The following ESR1 variants were observed in gnomAD, a reference collection of about 807,000 sequenced individuals.
ESR1 encodes the protein estrogen receptor 1.
In ESR1, 12 loss-of-function variants were observed where a neutral mutation model predicts 52.7. The ratio of observed to expected loss-of-function variants is 0.23; its 90% CI spans 0.15 to 0.37. The LOEUF is 0.37. Ranked by LOEUF, ESR1 falls within the 10% of genes least tolerant of loss-of-function variation. The pLI, the probability that ESR1 is intolerant of heterozygous loss-of-function variation, is 1.00. For missense variants in ESR1, 584 were observed against 779.7 expected, an observed-to-expected ratio of 0.75 and a Z score of 2.99; for synonymous variants, 305 against 316.8, an observed-to-expected ratio of 0.96 and a Z score of 0.39.
chr6:152,095,447 A>T (rs545739505), intron 7 of ESR1, among the ~76,000 whole-genome samples: 1 of 152,220 alleles, frequency 6.6e-6, no homozygotes, highest in Non-Finnish European at 1.5e-5. Context: ...GCCTGAGGCC[A>T]GGGTGACTCT....
chr6:152,062,622 T>C (rs2047638713), intron 6 of ESR1, among the ~76,000 whole-genome samples: 1 of 152,190 alleles, frequency 6.6e-6, no homozygotes, highest in African/African-American at 2.4e-5. Flanking sequence ...CTTTATTGGA[T>C]GAGAGTTCTG....
rs1426531354 is a variant in ESR1 at position 151,849,994 on chromosome 6, A to ACAAAATTATATATATATATAATTT, written c.643+7207_643+7208insCAAAATTATATATATATATAATTT. ...CCTAGGGAATTATATATATATATAT[A>ACAAAATTATATATATATATAATTT]TATATATATATAATTTTGTATATAT... On this transcript the variant is annotated intron_variant, in intron 2 of 7. Coordinates refer to ENST00000206249, the MANE Select transcript of ESR1 (RefSeq NM_000125.4). Among the ~76,000 whole-genome samples, 2 of 105,082 alleles carry ACAAAATTATATATATATATAATTT rather than the reference A, an allele frequency of 1.9e-5. 1 individual carries two copies. The highest frequency in any genetic ancestry group is 7.5e-5 in the African/African-American group (2 of 26,614). 68.9% of individuals were successfully genotyped at this position (105,082 alleles called of 152,430 possible). A position where few individuals can be genotyped will look rare whatever the true frequency, so the allele number is the denominator to read the frequency against.
At chr6:152,085,073 G>T (rs1224983712) in intron 6 of ESR1, among the ~76,000 whole-genome samples, 1 of 152,200 alleles carries the variant, frequency 6.6e-6, no homozygotes, top group Non-Finnish European at 1.5e-5. Flanking sequence ...ACCTCTTGGT[G>T]TATCAGGTCA....
intron 6 of ESR1, among the ~76,000 whole-genome samples, chr6:152,067,378 C>T (rs1220022927): frequency 6.6e-6 from 1 of 152,150 alleles, no homozygotes; most frequent in African/African-American, 2.4e-5. Flanking sequence ...ATGTTAGGAG[C>T]CATTTTCCAT....
chr6:152,072,745 A>C (rs2048449810), intron 6 of ESR1, among the ~76,000 whole-genome samples: 2 of 152,232 alleles, frequency 1.3e-5, no homozygotes, highest in African/African-American at 4.8e-5. Context: ...GAATGTCAGG[A>C]GGGGACTGGC....
At chr6:151,781,420 T>A (rs1227494940) in intron 2 of ESR1, among the ~76,000 whole-genome samples, 1 of 152,246 alleles carries the variant, frequency 6.6e-6, no homozygotes, top group African/African-American at 2.4e-5. Context: ...CATGGCCTAA[T>A]CATTTCTCAC....
chr6:151,757,503 TA>T (rs1031018626), intron 2 of ESR1, among the ~76,000 whole-genome samples: 3 of 152,204 alleles, frequency 2.0e-5, no homozygotes, highest in Non-Finnish European at 4.4e-5. Context: ...GGAAGAAATA[TA>T]TTCTGGTCAG....
downstream of ESR1, among the ~76,000 whole-genome samples, chr6:152,103,980 C>CTTTTTTTTTTT (rs369261779): frequency 3.2e-5 from 3 of 93,880 alleles, no homozygotes; most frequent in Non-Finnish European, 3.9e-5. Flanking sequence ...TTCATTCTAC[C>CTTTTTTTTTTT]TTTTTTTTTT....
chr6:151,935,963 T>G (rs1344651734), intron 3 of ESR1, among the ~76,000 whole-genome samples: 2 of 152,212 alleles, frequency 1.3e-5, no homozygotes, highest in Non-Finnish European at 2.9e-5. Context: ...CCCTTTTTCA[T>G]TATGTAACAT....
intron 3 of ESR1, among the ~76,000 whole-genome samples, chr6:151,917,000 G>T (rs11155823): frequency 0.028 from 4,247 of 152,220 alleles, 146 homozygotes; most frequent in African/African-American, 0.076. Flanking sequence ...TTGTAGAATT[G>T]TTGTATGATG....
At chr6:151,723,506 T>C (rs1781608263) in intron 2 of ESR1, among the ~76,000 whole-genome samples, 1 of 152,156 alleles carries the variant, frequency 6.6e-6, no homozygotes, top group African/African-American at 2.4e-5. Flanking sequence ...GGAAGAAGGT[T>C]TGTAAACTAG....
At chr6:151,667,457 T>C (rs534247489) in intron 1 of ESR1, among the ~76,000 whole-genome samples, 1 of 152,286 alleles carries the variant, frequency 6.6e-6, no homozygotes, top group African/African-American at 2.4e-5. Flanking sequence ...GATCCCCATT[T>C]GTGAGGGAGC....
At chr6:151,978,829 A>C (rs544325856) in intron 4 of ESR1, among the ~76,000 whole-genome samples, 2 of 152,332 alleles carry the variant, frequency 1.3e-5, no homozygotes, top group South Asian at 4.1e-4. Context: ...CCTTATAACA[A>C]ATATCACTAA....
intron 2 of ESR1, among the ~76,000 whole-genome samples, chr6:151,850,277 C>T (rs935321799): frequency 4.0e-5 from 6 of 149,660 alleles, no homozygotes; most frequent in African/African-American, 1.5e-4. Context: ...CAGTATACTT[C>T]CAGTATATAC....
intron 2 of ESR1, among the ~76,000 whole-genome samples, chr6:151,869,488 A>G (rs1790566011): frequency 6.6e-6 from 1 of 152,226 alleles, no homozygotes; most frequent in African/African-American, 2.4e-5. Flanking sequence ...CTGAGGTATT[A>G]CAATGAGATG....
intron 3 of ESR1, among the ~76,000 whole-genome samples, chr6:151,913,962 G>A (rs1438013253): frequency 6.6e-6 from 1 of 151,936 alleles, no homozygotes; most frequent in African/African-American, 2.4e-5. Flanking sequence ...TCAGAACTTA[G>A]ATTTTTTCTT....
chr6:151,661,469 C>G (rs1777636160), intron 1 of ESR1, among the ~76,000 whole-genome samples: 1 of 152,220 alleles, frequency 6.6e-6, no homozygotes. Flanking sequence ...CGCACAGGTT[C>G]CACAAGCCCT....
At chr6:152,000,139 T>C (rs1382125504) in intron 4 of ESR1, among the ~76,000 whole-genome samples, 1 of 152,102 alleles carries the variant, frequency 6.6e-6, no homozygotes, top group Non-Finnish European at 1.5e-5. Flanking sequence ...ATATTCTTTC[T>C]AGTTTTCACC....
At chr6:151,775,416 A>G (rs2128113258) in intron 2 of ESR1, among the ~76,000 whole-genome samples, 1 of 152,108 alleles carries the variant, frequency 6.6e-6, no homozygotes, top group East Asian at 1.9e-4. Flanking sequence ...TGAATTTTGG[A>G]TTTTTGGATT....
Sources: allele counts gnomAD v4.1 joint callset (sites outside exome capture counted in the v4.1 genomes callset), GRCh38; gene constraint gnomAD v4.1.1; transcripts MANE v1.5; gene names NCBI Gene and HGNC (gene_info 2026-07-23, HGNC 2026-07-21).